RNF149: variants seen among roughly 807,000 people sequenced by gnomAD.
RNF149 encodes the protein E3 ubiquitin-protein ligase RNF149.
In RNF149, 21 loss-of-function variants were observed where a neutral mutation model predicts 39.0. That is an observed-to-expected ratio of 0.54 (90% CI 0.38 to 0.77). The LOEUF (loss-of-function observed/expected upper bound fraction) is 0.77. Among genes scored for constraint, RNF149 ranks in the 30% least tolerant of loss-of-function variants. The pLI is 0.00. For missense variants in RNF149, 493 were observed against 534.9 expected (o/e 0.92, Z 0.77); for synonymous variants, 209 against 213.6 (o/e 0.98, Z 0.19).
Position 101,281,868 on chromosome 2 carries a change from C to T in RNF149, c.1150G>A (p.Ala384Thr), listed in dbSNP as rs1057220757. The T allele has an allele frequency of 1.2e-6, 2 of 1,613,792 alleles. No individual in the cohort carries two copies. Among genetic ancestry groups the T allele is most frequent in the African/African-American group, 1.3e-5 (1 of 74,888 alleles). The change falls in exon 6 of 7, where the codon GCA (alanine) becomes ACA (threonine). Residue 384 changes from alanine to threonine, a missense_variant. Coordinates refer to ENST00000295317, the MANE Select transcript of RNF149 (RefSeq NM_173647.4). ...SFKGDAGENT[A>T]LLEAGRSDSR... ...TTTGCACACCGCTCACCTAGCAATGCCGTATTTTCTCCTGCATCTCCTTTA... is the reference window on the plus strand; with the variant it reads ...TTTGCACACCGCTCACCTAGCAATGTCGTATTTTCTCCTGCATCTCCTTTA...
chr2:101,282,260 T>A (rs1321332325), intron 5 of RNF149, among the ~76,000 whole-genome samples: 2 of 151,694 alleles, frequency 1.3e-5, no homozygotes, highest in African/African-American at 2.4e-5. Flanking sequence ...GGCCAACATG[T>A]TTTTTATTCT....
chr2:101,296,823 A>T (rs1017895839), intron 1 of RNF149, among the ~76,000 whole-genome samples: 2 of 152,204 alleles, frequency 1.3e-5, no homozygotes, highest in Admixed American at 6.5e-5. Context: ...CCAAGTATAA[A>T]AACTACCTCA....
chr2:101,281,145 A>C (rs1377889875), intron 6 of RNF149, among the ~76,000 whole-genome samples: 1 of 152,174 alleles, frequency 6.6e-6, no homozygotes, highest in Non-Finnish European at 1.5e-5. Context: ...GTATATATAC[A>C]TAATGATTTC....
Position 101,276,619 on chromosome 2 carries a change from C to T in RNF149, c.*619G>A. ...CAACAAGGCGTCACAAGAAATGAGG[C>T]AATAAAGGGAAAAATGCAAATCCTA... On this transcript the variant is annotated 3_prime_UTR_variant, in exon 7 of 7. Transcript: ENST00000295317. The T allele has an allele frequency of 1.0e-6, 1 of 985,492 alleles. No homozygotes were observed. Among genetic ancestry groups the T allele is most frequent in the South Asian group, 4.7e-5 (1 of 21,274 alleles). The allele number at this position is 985,492 out of a possible 1,614,324, so 61.0% of individuals were successfully genotyped here.
At chr2:101,293,767 G>A (rs1257671195) in intron 3 of RNF149, among the ~76,000 whole-genome samples, 1 of 152,232 alleles carries the variant, frequency 6.6e-6, no homozygotes, top group African/African-American at 2.4e-5. Flanking sequence ...GAGCTGTCCA[G>A]GAGGGCAGCA....
intron 2 of RNF149, chr2:101,294,568 T>C (rs1302307821): frequency 4.7e-6 from 1 of 214,578 alleles, no homozygotes; most frequent in Non-Finnish European, 9.3e-6. Context: ...CCACTGGCTC[T>C]CTGACGGCCC....
intron 3 of RNF149, among the ~76,000 whole-genome samples, chr2:101,290,679 T>TAC (rs1682973419): frequency 6.6e-6 from 1 of 152,248 alleles, no homozygotes; most frequent in African/African-American, 2.4e-5. Flanking sequence ...TGAAAATAGT[T>TAC]ACCTCACTAG....
chr2:101,306,951 A>G (rs1400481777), intron 1 of RNF149, among the ~76,000 whole-genome samples: 1 of 152,220 alleles, frequency 6.6e-6, no homozygotes, highest in Non-Finnish European at 1.5e-5. Context: ...ACAAAAACCA[A>G]AACTAACCAC....
In RNF149 at chr2:101,289,233, C is replaced by T. The variant is rs8179876; in HGVS notation, c.781-178G>A. ...CCACTATTAGAGGATTATCTAAATA[C>T]GGTTGAAAAGGAAAAAATTTCATTG... On this transcript the variant is annotated intron_variant, in intron 3 of 6. Transcript: ENST00000295317. Among the ~76,000 whole-genome samples the T allele has an allele frequency of 4.5e-3, 679 of 151,792 alleles. 13 individuals are homozygous for T. In the East Asian group the frequency reaches 0.074, roughly 16 times the overall value.
Position 101,294,967 on chromosome 2 carries a change from C to T in RNF149, c.675G>A (p.Gln225=). 6.2e-7 allele frequency: 1 copy of T among 1,613,828 alleles called. No individual in the cohort carries two copies. The highest frequency in any genetic ancestry group is 8.5e-7 in the Non-Finnish European group (1 of 1,179,734). The change falls in exon 2 of 7, where the codon CAG becomes CAA. Residue 225 remains glutamine, a synonymous_variant. Coordinates refer to ENST00000295317, the MANE Select transcript of RNF149 (RefSeq NM_173647.4). ...SLAWLIFYYI[Q]RFLYTGSQIG... ...TCTGAGAGCCAGTATATAGGAAACG[C>T]TGTATATAGTAAAATATTAGCCAGG...
downstream of RNF149, chr2:101,273,007 G>GGTCT: frequency 7.4e-7 from 1 of 1,352,570 alleles, no homozygotes. Context: ...AACTGCTGAT[G>GGTCT]GAGACACTGC....
chr2:101,295,232 G>A (rs746082206), intron 1 of RNF149, 51 bp from the exon 2 acceptor site: 4 of 1,484,580 alleles, frequency 2.7e-6, no homozygotes, highest in Non-Finnish European at 3.7e-6. Flanking sequence ...ATAAGATACA[G>A]AGAACATTAA....
At chr2:101,297,330 G>A (rs1683270901) in intron 1 of RNF149, among the ~76,000 whole-genome samples, 1 of 152,148 alleles carries the variant, frequency 6.6e-6, no homozygotes, top group Admixed American at 6.5e-5. Context: ...TTGATTTGCA[G>A]AAAAGAAAAT....
At position 101,304,835 on chromosome 2, in the gene RNF149, ATT is replaced by A. The variant is rs11340908; in HGVS notation, c.460+3292_460+3293del. Among the ~76,000 whole-genome samples the A allele has an allele frequency of 9.0e-3, 811 of 89,782 alleles. 4 individuals are homozygous for A. The highest frequency in any genetic ancestry group is 0.027 in the African/African-American group (607 of 22,184). The allele number at this position is 89,782 out of a possible 152,430, so 58.9% of individuals were successfully genotyped here. On this transcript the variant is annotated intron_variant, in intron 1 of 6. Coordinates refer to ENST00000295317, the MANE Select transcript of RNF149 (RefSeq NM_173647.4). ...TGAGGCTTGGGAAGAGACTACTAGT[ATT>A]TTTTTTTTTTTTTTTTTTTTTGAGA...
chr2:101,271,807 A>G (rs931083332), downstream of RNF149: 12 of 152,326 alleles, frequency 7.9e-5, no homozygotes, highest in Admixed American at 5.9e-4. Context: ...TTCAAAAGAA[A>G]AATAGTTTGA....
intron 6 of RNF149, chr2:101,281,569 A>G (rs1040372099): frequency 1.3e-5 from 5 of 391,740 alleles, no homozygotes. Context: ...TGACAGGATC[A>G]TAGCTCACTG....
In RNF149 at chr2:101,279,967, T is replaced by C. The variant is rs1455846382; in HGVS notation, c.1159+1892A>G. 3.9e-5 allele frequency among the ~76,000 whole-genome samples: 6 copies of C among 152,320 alleles called. No individual in the cohort carries two copies. The East Asian group carries it at 1.2e-3, about 29-fold the overall frequency. On this transcript the variant is annotated intron_variant, in intron 6 of 6. Coordinates refer to ENST00000295317, the MANE Select transcript of RNF149 (RefSeq NM_173647.4). ...AAATTCTGATGAGATTTTCTTTTAC[T>C]TGGCAAAATGATTTTAGAATTAATC...
chr2:101,288,305 T>C (rs1362009392), intron 4 of RNF149, among the ~76,000 whole-genome samples: 2 of 140,574 alleles, frequency 1.4e-5, no homozygotes, highest in African/African-American at 5.3e-5. Context: ...TGGTGCAATC[T>C]CGGCTCACTG....
rs1301788970 is a variant in RNF149 at position 101,276,580 on chromosome 2, CAG to C, written c.*656_*657del. ...CTTTTTATTTGTAGGAAAAAATAAA[CAG>C]ATTTCCCTCCCCAACAAGGCGTCAC... On this transcript the variant is annotated 3_prime_UTR_variant, in exon 7 of 7. Coordinates refer to ENST00000295317, the MANE Select transcript of RNF149 (RefSeq NM_173647.4). 1.0e-6 allele frequency: 1 copy of C among 985,452 alleles called. No homozygotes were observed. The allele number at this position is 985,452 out of a possible 1,614,324, so 61.0% of individuals were successfully genotyped here.
Sources: allele counts gnomAD v4.1 joint callset (sites outside exome capture counted in the v4.1 genomes callset), GRCh38; gene constraint gnomAD v4.1.1; transcripts MANE v1.5; gene names NCBI Gene and HGNC (gene_info 2026-07-23, HGNC 2026-07-21).